Variants in CTNNA3 observed in about 807,000 individuals in gnomAD.
The protein encoded by CTNNA3 is catenin alpha-3.
CTNNA3 carries 76 observed loss-of-function variants against 95.7 expected under a neutral mutation model. The ratio of observed to expected loss-of-function variants is 0.79; its 90% CI spans 0.66 to 0.96. CTNNA3 has a LOEUF of 0.96. CTNNA3 is among the 40% of genes least tolerant of loss of function. The pLI, the probability that CTNNA3 is intolerant of heterozygous loss-of-function variation, is 0.00. For synonymous variants in CTNNA3, 431 were observed against 374.4 expected (o/e 1.15, Z -1.74); for missense variants, 1,191 against 1,089.8 (o/e 1.09, Z -1.31).
intron 1 of CTNNA3, among the ~76,000 whole-genome samples, chr10:67,738,209 T>A (rs894566017): frequency 6.6e-6 from 1 of 152,124 alleles, no homozygotes; most frequent in Non-Finnish European, 1.5e-5. Context: ...GGTGTCCCTC[T>A]GGGACAAAGC....
At chr10:66,386,656 A>T (rs534462126) in intron 11 of CTNNA3, among the ~76,000 whole-genome samples, 1 of 152,320 alleles carries the variant, frequency 6.6e-6, no homozygotes, top group African/African-American at 2.4e-5. Flanking sequence ...CTAAGCAAAA[A>T]TAACAAAGCT....
chr10:66,780,370 G>C (rs944093934), intron 7 of CTNNA3, among the ~76,000 whole-genome samples: 2 of 144,806 alleles, frequency 1.4e-5, no homozygotes, highest in African/African-American at 5.1e-5. Context: ...ATGGCAGTCA[G>C]GATAAAGAAA....
At chr10:67,521,742 G>C in intron 5 of CTNNA3, 100 bp downstream of exon 5, 1 of 1,427,218 alleles carries the variant, frequency 7.0e-7, no homozygotes, top group Non-Finnish European at 9.5e-7. Flanking sequence ...CTAACCATTA[G>C]AAGATAAGTT....
chr10:67,499,722 A>T (rs2133099367), intron 5 of CTNNA3, among the ~76,000 whole-genome samples: 1 of 152,214 alleles, frequency 6.6e-6, no homozygotes, highest in African/African-American at 2.4e-5. Context: ...ATTTGTGTAG[A>T]GGGGTTTATA....
chr10:67,733,019 T>C (rs1418520899), intron 1 of CTNNA3, among the ~76,000 whole-genome samples: 1 of 151,808 alleles, frequency 6.6e-6, no homozygotes, highest in Non-Finnish European at 1.5e-5. Flanking sequence ...ATGGGGAAAA[T>C]CCACACAGAT....
chr10:66,617,815 C>T (rs980924922), intron 10 of CTNNA3, among the ~76,000 whole-genome samples: 9 of 151,852 alleles, frequency 5.9e-5, no homozygotes, highest in South Asian at 2.1e-4. Context: ...GAAAACCCCA[C>T]TGTCTCAGCC....
chr10:67,586,663 C>G (rs1041730831), intron 3 of CTNNA3, among the ~76,000 whole-genome samples: 3 of 152,054 alleles, frequency 2.0e-5, no homozygotes, highest in Admixed American at 6.6e-5. Context: ...CCCACCCCAT[C>G]CCTATTTTTA....
chr10:67,702,545 G>T (rs1331227209), intron 1 of CTNNA3, among the ~76,000 whole-genome samples: 2 of 152,136 alleles, frequency 1.3e-5, no homozygotes, highest in African/African-American at 4.8e-5. Flanking sequence ...ATAACGAAAT[G>T]AAGGCAGAAA....
chr10:67,464,430 C>T (rs1169955905), intron 5 of CTNNA3, among the ~76,000 whole-genome samples: 3 of 152,110 alleles, frequency 2.0e-5, no homozygotes, highest in South Asian at 4.1e-4. Context: ...ATCACTCCTG[C>T]GGCCCTTATC....
chr10:66,840,374 AC>A (rs1843024618), intron 7 of CTNNA3, among the ~76,000 whole-genome samples: 3 of 74,900 alleles, frequency 4.0e-5, no homozygotes, highest in African/African-American at 2.5e-4. Flanking sequence ...TCTCTCTCTC[AC>A]ACACACACAC....
intron 12 of CTNNA3, among the ~76,000 whole-genome samples, chr10:66,360,684 T>TTTTCTTTCTTTCTTTCC: frequency 3.3e-5 from 2 of 60,048 alleles, no homozygotes; most frequent in Non-Finnish European, 1.0e-4. Flanking sequence ...CCTTCCTTCC[T>TTTTCTTTCTTTCTTTCC]TCCTTCCTTT....
At chr10:66,391,552 G>T (rs560321054) in intron 11 of CTNNA3, among the ~76,000 whole-genome samples, 1 of 152,032 alleles carries the variant, frequency 6.6e-6, no homozygotes, top group South Asian at 2.1e-4. Context: ...TGTCGATCAG[G>T]ATATTTTAAA....
intron 11 of CTNNA3, among the ~76,000 whole-genome samples, chr10:66,396,142 A>G (rs1375952394): frequency 6.6e-6 from 1 of 152,044 alleles, no homozygotes; most frequent in Non-Finnish European, 1.5e-5. Context: ...GCTGCATAGT[A>G]TTCCATGCAT....
intron 2 of CTNNA3, among the ~76,000 whole-genome samples, chr10:67,616,761 C>T (rs1337100854): frequency 6.6e-6 from 1 of 152,132 alleles, no homozygotes; most frequent in African/African-American, 2.4e-5. Context: ...GACTAGTATA[C>T]AATTCTGGAA....
chr10:66,904,544 G>T (rs1013281554), intron 7 of CTNNA3, among the ~76,000 whole-genome samples: 3 of 152,122 alleles, frequency 2.0e-5, no homozygotes, highest in African/African-American at 7.2e-5. Context: ...ATGACCTTCT[G>T]CACAGCAAAA....
At chr10:66,092,937 A>G (rs1421315144) in intron 14 of CTNNA3, among the ~76,000 whole-genome samples, 1 of 151,970 alleles carries the variant, frequency 6.6e-6, no homozygotes, top group Non-Finnish European at 1.5e-5. Flanking sequence ...TATCTTTTTA[A>G]TTTTTAAAAA....
At chr10:66,013,046 A>T (rs1399986404) in intron 15 of CTNNA3, among the ~76,000 whole-genome samples, 1 of 152,116 alleles carries the variant, frequency 6.6e-6, no homozygotes, top group Admixed American at 6.5e-5. Flanking sequence ...GATTACAGGC[A>T]TGTGCCATGA....
intron 5 of CTNNA3, among the ~76,000 whole-genome samples, chr10:67,424,088 A>T (rs1214324667): frequency 6.6e-6 from 1 of 152,170 alleles, no homozygotes; most frequent in South Asian, 2.1e-4. Flanking sequence ...TAACACAGTC[A>T]GCCCTAATGA....
chr10:67,752,037 C>T (rs542691307), intron 1 of CTNNA3, among the ~76,000 whole-genome samples: 6 of 152,170 alleles, frequency 3.9e-5, no homozygotes, highest in African/African-American at 1.4e-4. Context: ...AAACTTCGGG[C>T]CGATATCCCT....
Sources: allele counts gnomAD v4.1 joint callset (sites outside exome capture counted in the v4.1 genomes callset), GRCh38; gene constraint gnomAD v4.1.1; transcripts MANE v1.5; gene names NCBI Gene and HGNC (gene_info 2026-07-23, HGNC 2026-07-21).